DNAH14: variants seen among roughly 807,000 people sequenced by gnomAD.
The protein encoded by DNAH14 is axonemal beta dynein heavy chain 14.
In DNAH14, 478 loss-of-function variants were observed where a neutral mutation model predicts 520.9. The observed-to-expected ratio is 0.92, with a 90% confidence interval of 0.85 to 0.99. The LOEUF is 0.99. Ranked by LOEUF, DNAH14 falls within the 50% of genes least tolerant of loss-of-function variation. The pLI is 0.00. For synonymous variants in DNAH14, 1,581 were observed against 1,757.2 expected (o/e 0.90, Z 2.51); for missense variants, 4,831 against 5,234.5 (o/e 0.92, Z 2.38).
At chr1:225,078,999 A>G (rs1160271659) in intron 17 of DNAH14, among the ~76,000 whole-genome samples, 3 of 151,868 alleles carry the variant, frequency 2.0e-5, no homozygotes, top group Non-Finnish European at 2.9e-5. Flanking sequence ...TCTACAGCCT[A>G]TGGAACTGAG....
chr1:224,958,386 C>T (rs2060638147), intron 3 of DNAH14, among the ~76,000 whole-genome samples: 1 of 151,988 alleles, frequency 6.6e-6, no homozygotes, highest in Non-Finnish European at 1.5e-5. Context: ...CTAGGATGTG[C>T]AGATGTAGGC....
intron 28 of DNAH14, among the ~76,000 whole-genome samples, chr1:225,141,461 C>T (rs767023082): frequency 2.4e-5 from 3 of 127,558 alleles, no homozygotes; most frequent in Non-Finnish European, 4.7e-5. Context: ...TTGAACTATA[C>T]GTATCCTCTG....
intron 64 of DNAH14, among the ~76,000 whole-genome samples, chr1:225,326,694 A>G (rs1236439022): frequency 6.6e-6 from 1 of 152,210 alleles, no homozygotes; most frequent in Non-Finnish European, 1.5e-5. Flanking sequence ...TACAATTTGG[A>G]AAAACAGGGC....
chr1:225,015,420 A>G (rs1483230881), intron 10 of DNAH14, among the ~76,000 whole-genome samples: 1 of 152,134 alleles, frequency 6.6e-6, no homozygotes, highest in Non-Finnish European at 1.5e-5. Flanking sequence ...CCGTAGTGAT[A>G]AGGTTTGATT....
Position 224,960,281 on chromosome 1 carries a change from C to G in DNAH14, c.346C>G (p.Pro116Ala). 1.2e-6 allele frequency: 2 copies of G among 1,606,480 alleles called. No individual in the cohort carries two copies. Among genetic ancestry groups the G allele is most frequent in the Non-Finnish European group, 1.7e-6 (2 of 1,177,024 alleles). Residue 116 changes from proline (P) to alanine (A), a missense_variant, in exon 4 of 86, where the codon CCT becomes GCT. Transcript: ENST00000682510. Reference protein sequence around the residue: ...HACPNVRKARPVSYDRTEPKD... With the variant: ...HACPNVRKARAVSYDRTEPKD... ...TTGTCCAAATGTTAGGAAAGCCAGG[C>G]CTGTGTCCTATGATAGAACAGGTAT...
At chr1:225,230,375 A>G (rs1308237898) in intron 41 of DNAH14, among the ~76,000 whole-genome samples, 1 of 152,130 alleles carries the variant, frequency 6.6e-6, no homozygotes, top group Admixed American at 6.6e-5. Context: ...TATATAATCT[A>G]TATCTTTATA....
At chr1:225,291,366 T>C (rs917157891) in intron 55 of DNAH14, among the ~76,000 whole-genome samples, 4 of 152,180 alleles carry the variant, frequency 2.6e-5, no homozygotes, top group Non-Finnish European at 5.9e-5. Flanking sequence ...TCCTTTTCTT[T>C]GGATAAATGC....
At chr1:225,366,359 A>G (rs1200891157) in intron 76 of DNAH14, among the ~76,000 whole-genome samples, 1 of 152,232 alleles carries the variant, frequency 6.6e-6, no homozygotes, top group African/African-American at 2.4e-5. Flanking sequence ...TTTGTGTGAT[A>G]AAATAGTATG....
At chr1:224,955,375 A>G (rs1248114072) in intron 3 of DNAH14, among the ~76,000 whole-genome samples, 5 of 152,124 alleles carry the variant, frequency 3.3e-5, no homozygotes, top group Non-Finnish European at 5.9e-5. Context: ...TCACTTTTTC[A>G]TGCATATCAT....
intron 41 of DNAH14, among the ~76,000 whole-genome samples, chr1:225,216,223 T>C (rs924629724): frequency 6.6e-6 from 1 of 152,090 alleles, no homozygotes; most frequent in Non-Finnish European, 1.5e-5. Flanking sequence ...GAATATTGGC[T>C]CCCACTCTCT....
chr1:225,292,333 C>T (rs55769517), intron 55 of DNAH14, among the ~76,000 whole-genome samples: 5,323 of 152,138 alleles, frequency 0.035, 131 homozygotes, highest in Non-Finnish European at 0.049. Context: ...ATTCAACTTT[C>T]CCAGCACCAT....
At chr1:225,094,832 AAAAC>A (rs1334772879) in intron 21 of DNAH14, among the ~76,000 whole-genome samples, 2 of 150,466 alleles carry the variant, frequency 1.3e-5, no homozygotes, top group Non-Finnish European at 3.0e-5. Flanking sequence ...AAAAAAAAAA[AAAAC>A]AACCCCATTA....
chr1:225,079,519 C>G lies in DNAH14; in HGVS notation c.2737C>G (p.His913Asp). The G allele has an allele frequency of 6.6e-7, 1 of 1,515,368 alleles. No homozygotes were observed. The highest frequency in any genetic ancestry group is 8.8e-7 in the Non-Finnish European group (1 of 1,138,178). 93.9% of individuals were successfully genotyped at this position (1,515,368 alleles called of 1,614,324 possible). The change falls in exon 18 of 86, where the codon CAT becomes GAT. Residue 913 changes from histidine to aspartate, a missense_variant. Physicochemically the swap from His to Asp is moderately conservative, Grantham distance 81. Transcript: ENST00000682510. Reference protein sequence around the residue: ...DNLEACISGLHVDVGNLKAKI... With the variant: ...DNLEACISGLDVDVGNLKAKI... ...CTTGGAAGCATGTATCAGTGGTCTA[C>G]ATGTTGATGTTGGCAATTTAAAAGC... is the stretch of plus-strand genomic sequence containing the variant.
chr1:225,347,671 A>G (rs183225771), intron 71 of DNAH14, among the ~76,000 whole-genome samples: 127 of 152,284 alleles, frequency 8.3e-4, no homozygotes, highest in African/African-American at 2.9e-3. Flanking sequence ...AGGGATTAGA[A>G]AAGGTTAAAA....
intron 1 of DNAH14, among the ~76,000 whole-genome samples, chr1:224,932,520 A>G (rs78493197): frequency 0.053 from 8,019 of 152,006 alleles, 324 homozygotes; most frequent in Non-Finnish European, 0.078. Flanking sequence ...GTCACAAATT[A>G]TTTGCCTAGC....
intron 56 of DNAH14, among the ~76,000 whole-genome samples, chr1:225,301,515 C>T (rs566155864): frequency 1.0e-3 from 155 of 152,214 alleles, no homozygotes; most frequent in African/African-American, 3.6e-3. Flanking sequence ...AACTCAGCAG[C>T]AGAGGAGCTG....
intron 21 of DNAH14, among the ~76,000 whole-genome samples, chr1:225,094,057 A>G (rs1052317865): frequency 6.6e-6 from 1 of 152,222 alleles, no homozygotes; most frequent in Non-Finnish European, 1.5e-5. Flanking sequence ...CATACTGCCC[A>G]AAGCGTTTTA....
intron 30 of DNAH14, among the ~76,000 whole-genome samples, chr1:225,146,662 C>CGCCACTACGG (rs1432898467): frequency 6.6e-6 from 1 of 152,184 alleles, no homozygotes; most frequent in Non-Finnish European, 1.5e-5. Context: ...ATCAGCTGCC[C>CGCCACTACGG]GCCACTAAGC....
At chr1:225,318,505 C>A in intron 60 of DNAH14, 78 bp from the exon 61 acceptor site, 1 of 1,260,314 alleles carries the variant, frequency 7.9e-7, no homozygotes. Context: ...TTATATTTTC[C>A]AAGTTCAGCA....
Sources: gnomAD v4.1 joint callset for allele counts (sites outside exome capture counted in the v4.1 genomes callset) on GRCh38, gnomAD v4.1.1 for gene constraint, MANE v1.5 for transcripts, NCBI Gene and HGNC (gene_info 2026-07-23, HGNC 2026-07-21) for gene names.